Variants in THSD7B observed in about 807,000 individuals in gnomAD.
THSD7B encodes thrombospondin type-1 domain-containing protein 7B.
In THSD7B, 138 loss-of-function variants were observed where a neutral mutation model predicts 213.6. That is an observed-to-expected ratio of 0.65 (90% CI 0.56 to 0.74). THSD7B has a LOEUF of 0.74. Among genes scored for constraint, THSD7B ranks in the 30% least tolerant of loss-of-function variants. The pLI is 0.00. For missense variants in THSD7B, 1,931 were observed against 1,991.5 expected (o/e 0.97, Z 0.58); for synonymous variants, 742 against 687.0 (o/e 1.08, Z -1.25).
intron 2 of THSD7B, among the ~76,000 whole-genome samples, chr2:136,887,181 T>G (rs981476607): frequency 6.6e-6 from 1 of 152,202 alleles, no homozygotes; most frequent in Non-Finnish European, 1.5e-5. Flanking sequence ...CACCTCTATC[T>G]AATTTCAGAA....
chr2:137,631,183 G>T (rs1225763563), intron 20 of THSD7B, among the ~76,000 whole-genome samples: 3 of 152,184 alleles, frequency 2.0e-5, no homozygotes, highest in African/African-American at 7.2e-5. Flanking sequence ...TTTAGAGAGA[G>T]ACCGATTCTA....
intron 15 of THSD7B, among the ~76,000 whole-genome samples, chr2:137,464,372 G>A (rs1342857067): frequency 3.3e-5 from 5 of 151,998 alleles, no homozygotes; most frequent in Non-Finnish European, 5.9e-5. Context: ...AACACCATTA[G>A]GAAAGTGAGT....
At chr2:137,092,310 G>T (rs1245129558) in intron 3 of THSD7B, among the ~76,000 whole-genome samples, 1 of 152,034 alleles carries the variant, frequency 6.6e-6, no homozygotes, top group African/African-American at 2.4e-5. Flanking sequence ...CTACTCAGGA[G>T]ACTGAGGTGG....
chr2:136,878,908 C>G (rs1319875067), intron 1 of THSD7B, among the ~76,000 whole-genome samples: 2 of 152,152 alleles, frequency 1.3e-5, no homozygotes, highest in Non-Finnish European at 2.9e-5. Context: ...GGTGCAGCAG[C>G]TCTTTAGTTT....
At chr2:137,109,957 A>G (rs983416005) in intron 4 of THSD7B, among the ~76,000 whole-genome samples, 7 of 151,894 alleles carry the variant, frequency 4.6e-5, no homozygotes, top group Non-Finnish European at 7.4e-5. Context: ...CTTCTGTGCT[A>G]TTTCTAGATG....
chr2:137,091,449 T>G (rs909333071), intron 3 of THSD7B, among the ~76,000 whole-genome samples: 6 of 152,244 alleles, frequency 3.9e-5, no homozygotes, highest in African/African-American at 1.2e-4. Flanking sequence ...TTGCTCGGGC[T>G]GTCGTAAGAA....
intron 2 of THSD7B, among the ~76,000 whole-genome samples, chr2:136,952,532 C>T (rs567751281): frequency 2.0e-5 from 3 of 149,264 alleles, no homozygotes; most frequent in East Asian, 3.9e-4. Flanking sequence ...TGGCAGAGGA[C>T]TTATCTTTGG....
At chr2:137,010,206 C>A (rs1213991840) in intron 2 of THSD7B, among the ~76,000 whole-genome samples, 2 of 152,152 alleles carry the variant, frequency 1.3e-5, no homozygotes, top group Non-Finnish European at 2.9e-5. Context: ...TGTGCAGAAA[C>A]CCTCACAGTC....
chr2:137,646,681 T>TAATAATAAA (rs879335014), intron 21 of THSD7B, among the ~76,000 whole-genome samples: 51 of 148,170 alleles, frequency 3.4e-4, no homozygotes, highest in Non-Finnish European at 5.4e-4. Flanking sequence ...ATAATAATAA[T>TAATAATAAA]AAACACTTCA....
intron 12 of THSD7B, among the ~76,000 whole-genome samples, chr2:137,342,140 G>A (rs1371249358): frequency 6.6e-6 from 1 of 151,372 alleles, no homozygotes; most frequent in African/African-American, 2.4e-5. Context: ...CCATGAGCAT[G>A]GAATATATTT....
At chr2:137,452,086 A>G in intron 15 of THSD7B, 6 of 929,240 alleles carry the variant, frequency 6.5e-6, no homozygotes, top group Non-Finnish European at 6.4e-6. Flanking sequence ...CTCTTTAGCT[A>G]TTTTTTTCTA....
chr2:136,830,217 T>C (rs956155259), intron 1 of THSD7B, among the ~76,000 whole-genome samples: 4 of 151,986 alleles, frequency 2.6e-5, no homozygotes, highest in African/African-American at 9.7e-5. Flanking sequence ...AAAATCAGAG[T>C]CTCAGTAGCA....
chr2:137,624,595 A>G (rs1401694464), intron 20 of THSD7B, among the ~76,000 whole-genome samples: 1 of 151,340 alleles, frequency 6.6e-6, no homozygotes, highest in Non-Finnish European at 1.5e-5. Context: ...GCTAATATCC[A>G]GAATCTACAA....
intron 7 of THSD7B, among the ~76,000 whole-genome samples, chr2:137,173,410 A>G (rs893926883): frequency 1.3e-5 from 2 of 152,162 alleles, no homozygotes; most frequent in African/African-American, 4.8e-5. Flanking sequence ...GGTTGTCATG[A>G]TATCTCTGTC....
At chr2:136,932,697 G>A (rs1684651319) in intron 2 of THSD7B, among the ~76,000 whole-genome samples, 2 of 152,120 alleles carry the variant, frequency 1.3e-5, no homozygotes, top group Admixed American at 1.3e-4. Context: ...TTCATGTTAA[G>A]TAGGCTGAGG....
intron 20 of THSD7B, among the ~76,000 whole-genome samples, chr2:137,629,985 G>T (rs955216133): frequency 6.8e-6 from 1 of 146,450 alleles, no homozygotes; most frequent in African/African-American, 2.5e-5. Context: ...ATTTATTTGC[G>T]CCCAACTTCA....
intron 21 of THSD7B, among the ~76,000 whole-genome samples, chr2:137,653,965 T>G (rs866258558): frequency 1.3e-5 from 2 of 152,182 alleles, no homozygotes; most frequent in Middle Eastern, 3.4e-3. Context: ...CCTGTTTCCC[T>G]TGTTTTTTTA....
intron 15 of THSD7B, among the ~76,000 whole-genome samples, chr2:137,553,783 A>G (rs564136508): frequency 6.6e-6 from 1 of 152,314 alleles, no homozygotes; most frequent in Admixed American, 6.5e-5. Flanking sequence ...GATAAAGTCC[A>G]TGCAGCAACA....
At chr2:137,302,197 A>T (rs6750584) in intron 12 of THSD7B, among the ~76,000 whole-genome samples, 9,347 of 152,120 alleles carry the variant, frequency 0.061, 540 homozygotes, top group African/African-American at 0.14. Context: ...AAACAATGGG[A>T]CTGAATGAGA....
Sources: gnomAD v4.1 joint callset for allele counts (sites outside exome capture counted in the v4.1 genomes callset) on GRCh38, gnomAD v4.1.1 for gene constraint, MANE v1.5 for transcripts, NCBI Gene and HGNC (gene_info 2026-07-23, HGNC 2026-07-21) for gene names.